Variants in CTNND2 observed in about 807,000 individuals in gnomAD.
CTNND2 encodes catenin delta-2.
In CTNND2, 22 loss-of-function variants were observed where a neutral mutation model predicts 144.4. The ratio of observed to expected loss-of-function variants is 0.15; its 90% CI spans 0.11 to 0.22. CTNND2 has a LOEUF of 0.22. CTNND2 is among the 10% of genes least tolerant of loss of function. The pLI is 1.00. For missense variants in CTNND2, 1,353 were observed against 1,618.8 expected, an observed-to-expected ratio of 0.84 and a Z score of 2.82; for synonymous variants, 751 against 695.6, an observed-to-expected ratio of 1.08 and a Z score of -1.25.
rs192645781 is a variant in CTNND2 at position 11,404,591 on chromosome 5, G to A, written c.439+6945C>T. 3.3e-3 allele frequency among the ~76,000 whole-genome samples: 330 copies of A among 100,946 alleles called. 1 individual carries two copies. The highest frequency in any genetic ancestry group is 4.7e-3 in the Non-Finnish European group (221 of 47,270). The allele number at this position is 100,946 out of a possible 152,430, so 66.2% of individuals were successfully genotyped here. A position where few individuals can be genotyped will look rare whatever the true frequency, so the allele number is the denominator to read the frequency against. ...CTTATTGTTTGATCAGTATCTGTCA[G>A]TATCTGTATTCTTTTTTTTTTTTTT... is the stretch of plus-strand genomic sequence containing the variant. On this transcript the variant is annotated intron_variant, in intron 5 of 21. Transcript: ENST00000304623.
At chr5:11,142,177 T>G (rs1756799009) in intron 12 of CTNND2, among the ~76,000 whole-genome samples, 1 of 152,170 alleles carries the variant, frequency 6.6e-6, no homozygotes. Context: ...TAAAATGGAC[T>G]AAGACACCTG....
chr5:11,461,827 T>C (rs142765316), intron 3 of CTNND2, among the ~76,000 whole-genome samples: 1 of 152,184 alleles, frequency 6.6e-6, no homozygotes. Context: ...GATTGAGACA[T>C]TGATTCTCAG....
intron 2 of CTNND2, among the ~76,000 whole-genome samples, chr5:11,647,787 A>C (rs1782438157): frequency 6.6e-6 from 1 of 151,948 alleles, no homozygotes; most frequent in Admixed American, 6.6e-5. Context: ...CCCATCACTA[A>C]CTGCTTTCCT....
intron 1 of CTNND2, among the ~76,000 whole-genome samples, chr5:11,759,132 T>C (rs1055634977): frequency 6.6e-6 from 1 of 152,056 alleles, no homozygotes; most frequent in Non-Finnish European, 1.5e-5. Context: ...TTTAGCATGA[T>C]TGGTCTTTTT....
intron 1 of CTNND2, among the ~76,000 whole-genome samples, chr5:11,902,755 G>T (rs1427536187): frequency 1.3e-5 from 2 of 151,948 alleles, no homozygotes; most frequent in African/African-American, 2.4e-5. Context: ...AGGCGAATCA[G>T]ATCAGCTCAA....
At chr5:11,176,202 G>A (rs73742367) in intron 11 of CTNND2, among the ~76,000 whole-genome samples, 1,774 of 152,058 alleles carry the variant, frequency 0.012, 14 homozygotes, top group Admixed American at 0.02. Context: ...TTAGTCTATT[G>A]ACACCTGTAT....
At chr5:11,155,860 T>A (rs1758173004) in intron 12 of CTNND2, among the ~76,000 whole-genome samples, 1 of 152,246 alleles carries the variant, frequency 6.6e-6, no homozygotes, top group Admixed American at 6.5e-5. Flanking sequence ...TAACTTTTCA[T>A]TTTACATTTC....
intron 8 of CTNND2, among the ~76,000 whole-genome samples, chr5:11,362,731 C>T (rs1756590324): frequency 9.6e-6 from 1 of 104,532 alleles, no homozygotes; most frequent in Non-Finnish European, 1.9e-5. Flanking sequence ...ACCTTTGAAG[C>T]AGTTAGAAGG....
chr5:11,762,744 T>C (rs551895514), intron 1 of CTNND2, among the ~76,000 whole-genome samples: 49 of 152,192 alleles, frequency 3.2e-4, no homozygotes, highest in Non-Finnish European at 5.3e-4. Flanking sequence ...ATCTTCCACA[T>C]GGACTGGTCA....
intron 18 of CTNND2, among the ~76,000 whole-genome samples, chr5:10,999,567 C>T (rs1251519821): frequency 6.6e-6 from 1 of 152,204 alleles, no homozygotes; most frequent in East Asian, 1.9e-4. Flanking sequence ...CTTTTACTAT[C>T]TGTCGTTCAC....
At chr5:11,323,033 A>ATTTG (rs748533359) in intron 9 of CTNND2, among the ~76,000 whole-genome samples, 6 of 152,064 alleles carry the variant, frequency 3.9e-5, no homozygotes, top group South Asian at 2.1e-4. Context: ...TTTACCACAC[A>ATTTG]TTTGTTTGTT....
intron 1 of CTNND2, among the ~76,000 whole-genome samples, chr5:11,756,501 AAAC>A (rs559119631): frequency 3.6e-4 from 55 of 151,866 alleles, no homozygotes; most frequent in African/African-American, 1.3e-3. Flanking sequence ...AAAACAATAA[AAAC>A]AACATATTGA....
intron 5 of CTNND2, among the ~76,000 whole-genome samples, chr5:11,405,423 G>A (rs184807164): frequency 1.3e-3 from 192 of 152,136 alleles, no homozygotes; most frequent in African/African-American, 4.0e-3. Context: ...TGAAATCTAA[G>A]AAAAAGAAAT....
At chr5:11,827,562 A>G (rs1793666102) in intron 1 of CTNND2, among the ~76,000 whole-genome samples, 1 of 152,208 alleles carries the variant, frequency 6.6e-6, no homozygotes, top group African/African-American at 2.4e-5. Context: ...CAAGAAAAAG[A>G]TAGAGAAAAC....
intron 3 of CTNND2, among the ~76,000 whole-genome samples, chr5:11,444,198 A>T (rs182083925): frequency 6.6e-6 from 1 of 152,276 alleles, no homozygotes; most frequent in Admixed American, 6.5e-5. Flanking sequence ...GTACTAAATA[A>T]ATTAATTACT....
intron 18 of CTNND2, among the ~76,000 whole-genome samples, chr5:11,011,235 A>G (rs1157646382): frequency 6.6e-6 from 1 of 152,052 alleles, no homozygotes; most frequent in East Asian, 1.9e-4. Context: ...ATTTTTTGAG[A>G]CAGGGCCTCA....
chr5:11,588,852 G>C, intron 2 of CTNND2: 2 of 985,360 alleles, frequency 2.0e-6, no homozygotes, highest in Non-Finnish European at 2.4e-6. Context: ...CCAGGCTGTG[G>C]AGCAGGCGGT....
chr5:11,303,380 T>C (rs27669), intron 9 of CTNND2, among the ~76,000 whole-genome samples: 134,595 of 152,234 alleles, frequency 0.88, 59,727 homozygotes, highest in Middle Eastern at 0.98. Context: ...GATGGCCTTG[T>C]TGAATTCAGA....
chr5:11,414,073 T>C (rs372013468), intron 3 of CTNND2, among the ~76,000 whole-genome samples: 2 of 152,098 alleles, frequency 1.3e-5, no homozygotes, highest in African/African-American at 2.4e-5. Context: ...CATGTGCTTA[T>C]AAGAGATAGA....
Sources: allele counts gnomAD v4.1 joint callset (sites outside exome capture counted in the v4.1 genomes callset), GRCh38; gene constraint gnomAD v4.1.1; transcripts MANE v1.5; gene names NCBI Gene and HGNC (gene_info 2026-07-23, HGNC 2026-07-21).